OSTN: variants seen among roughly 807,000 people sequenced by gnomAD.
The protein encoded by OSTN is osteocrin.
OSTN carries 9 observed loss-of-function variants against 12.0 expected under a neutral mutation model. The ratio of observed to expected loss-of-function variants is 0.75; its 90% confidence interval spans 0.45 to 1.30. The LOEUF (loss-of-function observed/expected upper bound fraction) is 1.30, where lower values mean the gene tolerates loss of function less well. Ranked by LOEUF, OSTN falls within the 50% of genes most tolerant of loss-of-function variation. The probability of loss-of-function intolerance (pLI) is 0.00; values close to 1 mark genes in which losing one functional copy is unlikely to be tolerated. For missense variants in OSTN, 148 were observed against 152.3 expected, an observed-to-expected ratio of 0.97 and a Z score of 0.15; for synonymous variants, 59 against 56.9, an observed-to-expected ratio of 1.04 and a Z score of -0.16.
At chr3:191,250,512 C>T (rs1348620845) in intron 4 of OSTN, among the ~76,000 whole-genome samples, 3 of 152,150 alleles carry the variant, frequency 2.0e-5, no homozygotes, top group Non-Finnish European at 2.9e-5. Flanking sequence ...AAGTGATACA[C>T]ATCATTTTGT....
chr3:191,212,232 TA>T (rs1714477002), intron 1 of OSTN, among the ~76,000 whole-genome samples: 1 of 152,168 alleles, frequency 6.6e-6, no homozygotes, highest in African/African-American at 2.4e-5. Context: ...GGTCTGACAG[TA>T]AAAAAATAGT....
intron 3 of OSTN, among the ~76,000 whole-genome samples, chr3:191,235,871 G>A (rs1194187343): frequency 6.6e-6 from 1 of 151,942 alleles, no homozygotes; most frequent in Admixed American, 6.6e-5. Context: ...CATCTCTTCA[G>A]TCTGGTATCA....
intron 3 of OSTN, among the ~76,000 whole-genome samples, chr3:191,240,369 G>A (rs9841552): frequency 0.68 from 103,531 of 152,028 alleles, 35,814 homozygotes; most frequent in South Asian, 0.79. Context: ...CAAGATTGCA[G>A]GATTCATGGA....
chr3:191,229,108 C>G (rs1714986008), intron 3 of OSTN, among the ~76,000 whole-genome samples: 1 of 152,144 alleles, frequency 6.6e-6, no homozygotes. Flanking sequence ...ATGCAAATAG[C>G]AAAATCCAGA....
chr3:191,243,652 T>G (rs1715369504), intron 3 of OSTN, among the ~76,000 whole-genome samples: 1 of 152,144 alleles, frequency 6.6e-6, no homozygotes, highest in East Asian at 1.9e-4. Flanking sequence ...GATACCACAC[T>G]CACATATCTA....
intron 3 of OSTN, among the ~76,000 whole-genome samples, chr3:191,224,374 C>A (rs1369271676): frequency 7.2e-6 from 1 of 139,836 alleles, no homozygotes; most frequent in African/African-American, 2.6e-5. Flanking sequence ...GAAACTCCAT[C>A]TCAGAAAAAA....
At chr3:191,238,439 G>A (rs1278532834) in intron 3 of OSTN, among the ~76,000 whole-genome samples, 2 of 152,190 alleles carry the variant, frequency 1.3e-5, no homozygotes, top group Non-Finnish European at 2.9e-5. Flanking sequence ...ACAAGAGGAA[G>A]TAGAGGGAAA....
chr3:191,248,240 C>T (rs1422808494), intron 3 of OSTN, among the ~76,000 whole-genome samples: 1 of 151,988 alleles, frequency 6.6e-6, no homozygotes, highest in East Asian at 1.9e-4. Flanking sequence ...CTACTATTTA[C>T]GTTAAATCAT....
intron 3 of OSTN, among the ~76,000 whole-genome samples, chr3:191,246,698 T>A: frequency 1.2e-4 from 16 of 133,106 alleles, no homozygotes; most frequent in South Asian, 2.5e-4. Flanking sequence ...AAGAGGAGGA[T>A]GAAAAGGAAG....
At chr3:191,206,102 C>G (rs1714267697) in intron 1 of OSTN, among the ~76,000 whole-genome samples, 1 of 151,760 alleles carries the variant, frequency 6.6e-6, no homozygotes. Context: ...GAGAATCTTG[C>G]TGGAACCTGG....
intron 3 of OSTN, among the ~76,000 whole-genome samples, chr3:191,221,028 C>A (rs777165036): frequency 6.6e-6 from 1 of 152,074 alleles, no homozygotes. Context: ...GGTGTGGTTA[C>A]CCCCGTGCTG....
At chr3:191,220,686 A>C (rs938772784) in intron 3 of OSTN, among the ~76,000 whole-genome samples, 3 of 152,142 alleles carry the variant, frequency 2.0e-5, no homozygotes, top group Admixed American at 6.5e-5. Context: ...AAAGAAGAAC[A>C]TCGGCATCCA....
At chr3:191,226,769 A>G (rs890046210) in intron 3 of OSTN, among the ~76,000 whole-genome samples, 3 of 152,210 alleles carry the variant, frequency 2.0e-5, no homozygotes, top group Non-Finnish European at 4.4e-5. Flanking sequence ...ATCTCATATT[A>G]GTAAGTAAAA....
At chr3:191,257,002 G>A (rs1049780234) in intron 4 of OSTN, among the ~76,000 whole-genome samples, 13 of 151,706 alleles carry the variant, frequency 8.6e-5, no homozygotes, top group African/African-American at 3.1e-4. Context: ...TGGCAACAAA[G>A]GGGCACCCCA....
intron 4 of OSTN, among the ~76,000 whole-genome samples, chr3:191,252,638 G>A (rs1056424358): frequency 6.6e-6 from 1 of 152,152 alleles, no homozygotes; most frequent in African/African-American, 2.4e-5. Context: ...GGGTTCACCT[G>A]TTCGACCGTT....
chr3:191,248,353 C>T (rs1233958015), intron 3 of OSTN, among the ~76,000 whole-genome samples: 1 of 152,042 alleles, frequency 6.6e-6, no homozygotes, highest in Non-Finnish European at 1.5e-5. Context: ...TTCTACATAT[C>T]AGGTACACAG....
At chr3:191,240,605 G>A (rs1292634292) in intron 3 of OSTN, among the ~76,000 whole-genome samples, 1 of 152,178 alleles carries the variant, frequency 6.6e-6, no homozygotes, top group African/African-American at 2.4e-5. Flanking sequence ...GGAAAAGCTT[G>A]ACTCATTTTT....
At chr3:191,259,962 C>T (rs1413514704) in intron 4 of OSTN, among the ~76,000 whole-genome samples, 1 of 147,890 alleles carries the variant, frequency 6.8e-6, no homozygotes, top group Non-Finnish European at 1.5e-5. Flanking sequence ...TCAAGTGATT[C>T]TCCTGCCTCA....
intron 3 of OSTN, among the ~76,000 whole-genome samples, chr3:191,241,879 A>G (rs1576935662): frequency 6.6e-6 from 1 of 152,256 alleles, no homozygotes; most frequent in African/African-American, 2.4e-5. Flanking sequence ...TTTAATGAGA[A>G]TAACATTATC....
Sources: gnomAD v4.1 joint callset for allele counts (sites outside exome capture counted in the v4.1 genomes callset) on GRCh38, gnomAD v4.1.1 for gene constraint, MANE v1.5 for transcripts, NCBI Gene and HGNC (gene_info 2026-07-23, HGNC 2026-07-21) for gene names.